IGFN1: variants seen among roughly 807,000 people sequenced by gnomAD.
IGFN1 encodes the protein immunoglobulin like and fibronectin type III domain containing 1, also known as immunoglobulin-like and fibronectin type III domain-containing protein 1.
IGFN1 carries 253 observed loss-of-function variants against 289.5 expected under a neutral mutation model. The observed-to-expected ratio is 0.87, with a 90% CI of 0.79 to 0.97. The LOEUF is 0.97. Among genes scored for constraint, IGFN1 ranks in the 50% least tolerant of loss-of-function variants. The pLI is 0.00. For missense variants in IGFN1, 4,470 were observed against 4,686.1 expected (o/e 0.95, Z 1.35); for synonymous variants, 1,706 against 1,788.5 (o/e 0.95, Z 1.16).
In IGFN1 at chr1:201,211,152, G is replaced by T; in HGVS notation, c.6259G>T (p.Gly2087Cys). The T allele has an allele frequency of 6.5e-7, 1 of 1,529,596 alleles. No individual in the cohort carries two copies. The highest frequency in any genetic ancestry group is 8.8e-7 in the Non-Finnish European group (1 of 1,142,550). The allele number at this position is 1,529,596 out of a possible 1,614,324, so 94.8% of individuals were successfully genotyped here. ...PKGMGSGSKT[G>C]FRDGLGGSEE... The stretch of plus-strand genomic sequence containing the variant: ...GGGAATGGGTTCAGGGAGTAAGACA[G>T]GTTTCAGGGATGGTTTAGGGGGTTC... Residue 2087 changes from glycine to cysteine, a missense_variant, in exon 12 of 24, where the codon GGT (glycine) becomes TGT (cysteine). Around this residue, in one of 8 missense-constraint regions of IGFN1, gnomAD observed 2,218 missense variants for 2,114.1 expected, o/e 1.05. Coordinates refer to ENST00000335211, the MANE Select transcript of IGFN1 (RefSeq NM_001164586.2).
At position 201,207,937 on chromosome 1, in the gene IGFN1, C is replaced by T. The variant is rs772509532; in HGVS notation, c.3044C>T (p.Ala1015Val). 60 of 1,536,464 alleles carry T rather than the reference C, an allele frequency of 3.9e-5. No homozygotes were observed. Among genetic ancestry groups the T allele is most frequent in the Admixed American group, 1.6e-4 (8 of 50,932 alleles). Residue 1015 changes from alanine (A) to valine (V), a missense_variant, in exon 12 of 24, where the codon GCG becomes GTG. Physicochemically the swap from Ala to Val is moderately conservative, Grantham distance 64. Coordinates refer to ENST00000335211, the MANE Select transcript of IGFN1 (RefSeq NM_001164586.2). Reference protein sequence around the residue: ...EGGGYRHGSGAPGGVWSGNED... With the variant: ...EGGGYRHGSGVPGGVWSGNED... ...GGTGGGTACAGGCATGGCTCCGGAG[C>T]GCCTGGGGGAGTGTGGTCTGGAAAT...
Position 201,201,832 on chromosome 1 carries a change from G to T in IGFN1, c.747G>T (p.Lys249Asn). ...CTCAGAGCAAGATTTACCTGTATAA[G>T]GTGAGGCTGGAGGGGCTATGGGTGG... Reference protein sequence around the residue: ...KDSQSKIYLYKDGEMIPYGFN... With the variant: ...KDSQSKIYLYNDGEMIPYGFN... Residue 249 changes from lysine to asparagine, a missense_variant and splice_region_variant, in exon 9 of 24, where the codon AAG becomes AAT. Coordinates refer to ENST00000335211, the MANE Select transcript of IGFN1 (RefSeq NM_001164586.2). The T allele has an allele frequency of 6.9e-7, 1 of 1,443,032 alleles. No individual in the cohort carries two copies. Among genetic ancestry groups the T allele is most frequent in the Non-Finnish European group, 9.5e-7 (1 of 1,048,176 alleles). The allele number at this position is 1,443,032 out of a possible 1,614,324, so 89.4% of individuals were successfully genotyped here.
intron 14 of IGFN1, among the ~76,000 whole-genome samples, 161 bp downstream of exon 14, chr1:201,215,315 G>A (rs1370978410): frequency 6.6e-6 from 1 of 152,158 alleles, no homozygotes. Context: ...CTCATACCCT[G>A]CCTATTCCAG....
intron 20 of IGFN1, among the ~76,000 whole-genome samples, chr1:201,223,978 C>G (rs966173949): frequency 6.6e-6 from 1 of 152,186 alleles, no homozygotes; most frequent in Non-Finnish European, 1.5e-5. Flanking sequence ...ATGTCCTAGG[C>G]CTTGTTCTCT....
chr1:201,193,515 G>A (rs10800761), intron 2 of IGFN1, among the ~76,000 whole-genome samples: 36,745 of 151,950 alleles, frequency 0.24, 5,907 homozygotes, highest in Non-Finnish European at 0.36. Context: ...ACAGTGACGC[G>A]ATCTCAGCTC....
At chr1:201,225,707 C>G in intron 21 of IGFN1, 117 bp from the exon 22 acceptor site, 1 of 845,924 alleles carries the variant, frequency 1.2e-6, no homozygotes, top group Non-Finnish European at 1.8e-6. Flanking sequence ...GGTCCAGCTA[C>G]TTGTGTGGCA....
Position 201,211,414 on chromosome 1 carries a change from A to G in IGFN1, c.6521A>G (p.Asp2174Gly). Residue 2174 changes from aspartate (D) to glycine (G), a missense_variant, in exon 12 of 24, where the codon GAT becomes GGT. Physicochemically the swap from Asp to Gly is moderately conservative, Grantham distance 94. Transcript: ENST00000335211. Reference protein sequence around the residue: ...LGSSGEMGSMDEAGYRKDLGA... With the variant: ...LGSSGEMGSMGEAGYRKDLGA... The stretch of plus-strand genomic sequence containing the variant: ...AGTTCTGGGGAAATGGGGTCAATGG[A>G]TGAGGCAGGTTATAGGAAGGATTTG... 2.0e-6 allele frequency: 3 copies of G among 1,500,412 alleles called. No homozygotes were observed. The highest frequency in any genetic ancestry group is 2.7e-6 in the Non-Finnish European group (3 of 1,125,478). 92.9% of individuals were successfully genotyped at this position (1,500,412 alleles called of 1,614,324 possible). A position where few individuals can be genotyped will look rare whatever the true frequency, so the allele number is the denominator to read the frequency against.
intron 1 of IGFN1, among the ~76,000 whole-genome samples, chr1:201,192,734 T>C (rs1039303080): frequency 6.6e-6 from 1 of 151,790 alleles, no homozygotes; most frequent in Non-Finnish European, 1.5e-5. Flanking sequence ...AATCTCAGAG[T>C]TGGGGGAAGA....
chr1:201,218,925 C>A (rs887431039), intron 18 of IGFN1, among the ~76,000 whole-genome samples: 1 of 152,008 alleles, frequency 6.6e-6, no homozygotes, highest in Non-Finnish European at 1.5e-5. Context: ...GTAATCCTGG[C>A]ACTTTGGGAG....
At position 201,224,879 on chromosome 1, in the gene IGFN1, G is replaced by A. The variant is rs377216733; in HGVS notation, c.10486+5G>A. ...GCTTCCGTATCAGGGTGGCAGGTGA[G>A]GCAGGCCTTGCTCTGGGCTCTGGAC... On this transcript the variant is annotated splice_donor_5th_base_variant and intron_variant, in intron 21 of 23. Transcript: ENST00000335211. The A allele has an allele frequency of 2.5e-5, 40 of 1,609,870 alleles. 2 individuals carry two copies. Among genetic ancestry groups the A allele is most frequent in the East Asian group, 6.7e-5 (3 of 44,816 alleles).
At chr1:201,201,014 G>T (rs998644829) in intron 8 of IGFN1, among the ~76,000 whole-genome samples, 7 of 151,964 alleles carry the variant, frequency 4.6e-5, no homozygotes, top group Non-Finnish European at 8.8e-5. Flanking sequence ...TGTATTTTTA[G>T]TAGAGACGGG....
chr1:201,201,900 C>G, intron 9 of IGFN1, 68 bp downstream of exon 9: 1 of 776,652 alleles, frequency 1.3e-6, no homozygotes, highest in South Asian at 1.5e-5. Context: ...GGAGAGGGAA[C>G]TATGGGTACC....
At chr1:201,218,069 C>T (rs1368270031) in intron 17 of IGFN1, among the ~76,000 whole-genome samples, 2 of 152,206 alleles carry the variant, frequency 1.3e-5, no homozygotes, top group Non-Finnish European at 2.9e-5. Flanking sequence ...CTGCGGAAGT[C>T]CAGGTTTGAG....
At position 201,212,037 on chromosome 1, in the gene IGFN1, G is replaced by A; in HGVS notation, c.7144G>A (p.Gly2382Ser). The part of the protein sequence containing the change: ...AGIGHEAGPR[G>S]HKAMGHRSGY... The stretch of plus-strand genomic sequence containing the variant: ...AATAGGACATGAGGCTGGACCCAGA[G>A]GCCATAAAGCCATGGGTCACAGGTC... The change falls in exon 12 of 24, where the codon GGC becomes AGC. Residue 2382 changes from glycine to serine, a missense_variant. Physicochemically the swap from Gly to Ser is moderately conservative, Grantham distance 56. Transcript: ENST00000335211. 1 of 1,536,348 alleles carries A rather than the reference G, an allele frequency of 6.5e-7. No individual in the cohort carries two copies.
chr1:201,218,211 A>T (rs1653457277), intron 17 of IGFN1, among the ~76,000 whole-genome samples: 1 of 152,238 alleles, frequency 6.6e-6, no homozygotes, highest in African/African-American at 2.4e-5. Flanking sequence ...ACATTCTCCC[A>T]ATTTCACTAT....
intron 19 of IGFN1, 51 bp downstream of exon 19, chr1:201,221,797 G>C: frequency 6.7e-7 from 1 of 1,498,822 alleles, no homozygotes; most frequent in Non-Finnish European, 9.0e-7. Context: ...CCTCTCCTAA[G>C]AGGGGGCCCC....
Position 201,211,921 on chromosome 1 carries a change from G to A in IGFN1, c.7028G>A (p.Gly2343Asp), listed in dbSNP as rs1032867475. The A allele has an allele frequency of 5.2e-6, 8 of 1,527,094 alleles. No homozygotes were observed. The African/African-American group carries it at 9.6e-5, about 18-fold the overall frequency. The allele number at this position is 1,527,094 out of a possible 1,614,324, so 94.6% of individuals were successfully genotyped here. A position where few individuals can be genotyped will look rare whatever the true frequency, so the allele number is the denominator to read the frequency against. ...GSGSEVSYRG[G>D]SGGSGETGPE... ...GGGAGTGAGGTCAGTTATAGAGGAGGCTCAGGAGGATCTGGGGAAACGGGA... is the reference window on the plus strand; with the variant it reads ...GGGAGTGAGGTCAGTTATAGAGGAGACTCAGGAGGATCTGGGGAAACGGGA... Residue 2343 changes from glycine (G) to aspartate (D), a missense_variant, in exon 12 of 24, where the codon GGC becomes GAC. Coordinates refer to ENST00000335211, the MANE Select transcript of IGFN1 (RefSeq NM_001164586.2).
chr1:201,216,849 C>A, intron 16 of IGFN1, 96 bp downstream of exon 16: 2 of 1,085,968 alleles, frequency 1.8e-6, no homozygotes, highest in Non-Finnish European at 2.6e-6. Context: ...GTGACACCAG[C>A]CTGTGCTCGG....
Position 201,207,044 on chromosome 1 carries a change from G to T in IGFN1, c.2151G>T (p.Leu717Phe). The T allele has an allele frequency of 6.5e-7, 1 of 1,536,982 alleles. No homozygotes were observed. Among genetic ancestry groups the T allele is most frequent in the East Asian group, 2.4e-5 (1 of 40,920 alleles). ...GGGGCTACTGGGGGTCAGGAGAGTT[G>T]CTAGAACAGATACCTGGAGGCAAGG... ...EARGYWGSGE[L>F]LEQIPGGKDF... The change falls in exon 12 of 24, where the codon TTG (leucine) becomes TTT (phenylalanine). Residue 717 changes from leucine to phenylalanine, a missense_variant. Coordinates refer to ENST00000335211, the MANE Select transcript of IGFN1 (RefSeq NM_001164586.2).
Sources: gnomAD v4.1 joint callset for allele counts (sites outside exome capture counted in the v4.1 genomes callset) on GRCh38, gnomAD v4.1.1 for gene constraint, gnomAD v4.1.1 regional missense constraint, MANE v1.5 for transcripts, NCBI Gene and HGNC (gene_info 2026-07-23, HGNC 2026-07-21) for gene names.